MACROD2: variants seen among roughly 807,000 people sequenced by gnomAD.
MACROD2 encodes the protein mono-ADP ribosylhydrolase 2.
In MACROD2, 36 loss-of-function variants were observed where a neutral mutation model predicts 70.4. The ratio of observed to expected loss-of-function variants is 0.51; its 90% CI spans 0.39 to 0.68. MACROD2 has a LOEUF of 0.68. Ranked by LOEUF, MACROD2 falls within the 30% of genes least tolerant of loss-of-function variation. The probability of loss-of-function intolerance (pLI) is 0.00; values close to 1 mark genes in which losing one functional copy is unlikely to be tolerated. For synonymous variants in MACROD2, 172 were observed against 178.8 expected (o/e 0.96, Z 0.30); for missense variants, 496 against 538.4 (o/e 0.92, Z 0.78).
chr20:15,814,060 G>C (rs2063847795), intron 8 of MACROD2, among the ~76,000 whole-genome samples: 1 of 152,112 alleles, frequency 6.6e-6, no homozygotes, highest in Non-Finnish European at 1.5e-5. Context: ...CCTTAACCAA[G>C]TTAATTGAGG....
chr20:15,148,472 C>T (rs951376271), intron 5 of MACROD2, among the ~76,000 whole-genome samples: 104 of 152,016 alleles, frequency 6.8e-4, no homozygotes, highest in African/African-American at 2.4e-3. Context: ...TTAGGAGTGG[C>T]GGTTTGGGGA....
At chr20:15,247,331 T>C (rs890298685) in intron 6 of MACROD2, among the ~76,000 whole-genome samples, 1 of 152,188 alleles carries the variant, frequency 6.6e-6, no homozygotes, top group Non-Finnish European at 1.5e-5. Context: ...GTGAAGCACG[T>C]AGGCCTCAGT....
chr20:15,047,757 T>C (rs1418034395), intron 5 of MACROD2, among the ~76,000 whole-genome samples: 1 of 152,160 alleles, frequency 6.6e-6, no homozygotes. Flanking sequence ...CTAAGGCTTT[T>C]ATTACAGTGT....
At chr20:15,969,050 T>A (rs1015378681) in intron 13 of MACROD2, among the ~76,000 whole-genome samples, 11 of 151,954 alleles carry the variant, frequency 7.2e-5, no homozygotes, top group African/African-American at 2.7e-4. Flanking sequence ...ATGACCCCGA[T>A]AAACTCTCTG....
chr20:15,870,831 T>C (rs1261261219), intron 9 of MACROD2, among the ~76,000 whole-genome samples: 2 of 152,200 alleles, frequency 1.3e-5, no homozygotes, highest in Non-Finnish European at 2.9e-5. Context: ...CTCTTAAGTA[T>C]TGTTAACACA....
intron 3 of MACROD2, among the ~76,000 whole-genome samples, chr20:14,242,776 A>C (rs910002301): frequency 1.3e-5 from 2 of 152,218 alleles, no homozygotes; most frequent in African/African-American, 4.8e-5. Flanking sequence ...GCAAATAAAA[A>C]CAATGTAAAA....
intron 5 of MACROD2, among the ~76,000 whole-genome samples, chr20:15,133,556 A>C (rs2076122487): frequency 6.6e-6 from 1 of 152,180 alleles, no homozygotes; most frequent in African/African-American, 2.4e-5. Context: ...AAGGACTCTC[A>C]ATTCTGAGGA....
chr20:14,687,933 A>C (rs1216531295), intron 5 of MACROD2, among the ~76,000 whole-genome samples: 3 of 152,208 alleles, frequency 2.0e-5, no homozygotes, highest in African/African-American at 7.2e-5. Flanking sequence ...CAGTACTTTC[A>C]CAAGCCCTTA....
intron 4 of MACROD2, among the ~76,000 whole-genome samples, chr20:14,519,328 A>ATG (rs1400551848): frequency 1.3e-5 from 2 of 152,166 alleles, no homozygotes; most frequent in Admixed American, 1.3e-4. Context: ...GAAGTGTCCC[A>ATG]AACTGTAGGG....
chr20:15,419,597 G>C (rs1377439069), intron 6 of MACROD2, among the ~76,000 whole-genome samples: 2 of 152,146 alleles, frequency 1.3e-5, no homozygotes, highest in Non-Finnish European at 2.9e-5. Context: ...CCCCTCTCAG[G>C]GTCAGTTAGG....
chr20:14,083,847 G>A (rs958217168), intron 2 of MACROD2, among the ~76,000 whole-genome samples: 1 of 151,708 alleles, frequency 6.6e-6, no homozygotes, highest in African/African-American at 2.4e-5. Context: ...TTGGGAGGCC[G>A]AGGCGGGCAG....
chr20:14,135,022 G>T (rs2054776070), intron 3 of MACROD2, among the ~76,000 whole-genome samples: 4 of 151,712 alleles, frequency 2.6e-5, no homozygotes, highest in Non-Finnish European at 5.9e-5. Flanking sequence ...ATTATTTCAG[G>T]GTTTCATATA....
intron 4 of MACROD2, among the ~76,000 whole-genome samples, chr20:14,640,149 G>A (rs1045327656): frequency 6.6e-6 from 1 of 152,164 alleles, no homozygotes; most frequent in Non-Finnish European, 1.5e-5. Context: ...TTTGAAAAAT[G>A]TGAAGACTAA....
At chr20:14,773,000 A>G (rs2072189180) in intron 5 of MACROD2, among the ~76,000 whole-genome samples, 1 of 151,944 alleles carries the variant, frequency 6.6e-6, no homozygotes, top group Non-Finnish European at 1.5e-5. Context: ...TTTTCCATCT[A>G]GTGGTGAAGT....
intron 15 of MACROD2, among the ~76,000 whole-genome samples, chr20:16,013,334 G>A (rs1320258789): frequency 6.6e-6 from 1 of 152,178 alleles, no homozygotes; most frequent in South Asian, 2.1e-4. Context: ...TCCATGTGGT[G>A]TAAATGTAAG....
At chr20:15,056,130 A>C (rs2075483559) in intron 5 of MACROD2, among the ~76,000 whole-genome samples, 1 of 152,144 alleles carries the variant, frequency 6.6e-6, no homozygotes, top group African/African-American at 2.4e-5. Flanking sequence ...GCAAGACAGC[A>C]CCCGACCCCC....
At chr20:15,248,681 G>A (rs2077127653) in intron 6 of MACROD2, among the ~76,000 whole-genome samples, 1 of 152,062 alleles carries the variant, frequency 6.6e-6, no homozygotes, top group East Asian at 1.9e-4. Context: ...TGTATCTCAG[G>A]CAACCTGCTT....
chr20:15,190,257 C>T (rs1438161925), intron 5 of MACROD2, among the ~76,000 whole-genome samples: 1 of 152,112 alleles, frequency 6.6e-6, no homozygotes, highest in Non-Finnish European at 1.5e-5. Flanking sequence ...TGCAAGCTAC[C>T]TGCCATTCAT....
At chr20:14,977,798 T>A (rs2074755423) in intron 5 of MACROD2, among the ~76,000 whole-genome samples, 1 of 152,118 alleles carries the variant, frequency 6.6e-6, no homozygotes, top group African/African-American at 2.4e-5. Context: ...GGAAGCCTAA[T>A]GTGGGGAGAA....
Sources: allele counts gnomAD v4.1 joint callset (sites outside exome capture counted in the v4.1 genomes callset), GRCh38; gene constraint gnomAD v4.1.1; transcripts MANE v1.5; gene names NCBI Gene and HGNC (gene_info 2026-07-23, HGNC 2026-07-21).